LTA4H: variants seen among roughly 807,000 people sequenced by gnomAD.
LTA4H encodes leukotriene A-4 hydrolase.
A neutral mutation model predicts 89.8 loss-of-function variants in LTA4H; 59 were observed. The ratio of observed to expected loss-of-function variants is 0.66; its 90% CI spans 0.53 to 0.82. LTA4H has a LOEUF of 0.82. LTA4H is among the 40% of genes least tolerant of loss of function. LTA4H has a pLI of 0.00. For synonymous variants in LTA4H, 227 were observed against 253.1 expected (o/e 0.90, Z 0.98); for missense variants, 617 against 727.0 (o/e 0.85, Z 1.74).
chr12:96,017,247 G>A (rs1057092831), intron 9 of LTA4H, 133 bp from the exon 10 acceptor site: 2 of 677,450 alleles, frequency 3.0e-6, no homozygotes, highest in Admixed American at 2.8e-5. Context: ...ACTCAGTTCA[G>A]CAAAATCTTT....
At chr12:96,013,558 C>T (rs370197942) in intron 13 of LTA4H, among the ~76,000 whole-genome samples, 192 bp downstream of exon 13, 36 of 152,084 alleles carry the variant, frequency 2.4e-4, no homozygotes, top group African/African-American at 8.4e-4. Flanking sequence ...TTGATGACTT[C>T]TCTGAAATAG....
Position 96,019,257 on chromosome 12 carries a change from C to T in LTA4H, c.639-17G>A. On this transcript the variant is annotated splice_polypyrimidine_tract_variant and intron_variant, in intron 6 of 18. Coordinates refer to ENST00000228740, the MANE Select transcript of LTA4H (RefSeq NM_000895.3). ...CCAATTTGCCTGCAAGATTAAAAAG[C>T]TTAATAAAAAAGAAATTCATGGCAA... 1.9e-6 allele frequency: 3 copies of T among 1,598,560 alleles called. No individual in the cohort carries two copies. The highest frequency in any genetic ancestry group is 2.6e-6 in the Non-Finnish European group (3 of 1,173,950).
intron 1 of LTA4H, among the ~76,000 whole-genome samples, chr12:96,034,435 AC>A (rs774237127): frequency 6.6e-6 from 1 of 152,162 alleles, no homozygotes; most frequent in African/African-American, 2.4e-5. Context: ...TGAATCTACA[AC>A]CTTTCTTCAT....
Position 96,013,803 on chromosome 12 carries a change from T to G in LTA4H, c.1255A>C (p.Ser419Arg). ...KAYVEKFSYK[S>R]ITTDDWKDFL... ...TCCTTCCAGTCATCAGTAGTTATGC[T>G]CTTATAGGAAAACTTCTCAACATAA... Residue 419 changes from serine to arginine, a missense_variant, in exon 13 of 19, where the codon AGC becomes CGC. By Grantham distance (110) the Ser-to-Arg change is moderately radical. Around this residue, in one of 3 missense-constraint regions of LTA4H, gnomAD observed 290 missense variants for 339.1 expected, o/e 0.86. Coordinates refer to ENST00000228740, the MANE Select transcript of LTA4H (RefSeq NM_000895.3). The G allele has an allele frequency of 6.3e-7, 1 of 1,589,528 alleles. No homozygotes were observed.
chr12:96,006,479 TA>T, intron 15 of LTA4H, 70 bp from the exon 16 acceptor site: 1 of 835,920 alleles, frequency 1.2e-6, no homozygotes, highest in Non-Finnish European at 1.9e-6. Context: ...TTATCTGACA[TA>T]AAAGTAAAAA....
chr12:96,011,706 C>CT (rs1438448626), intron 14 of LTA4H: 6 of 152,124 alleles, frequency 3.9e-5, no homozygotes, highest in African/African-American at 1.4e-4. Flanking sequence ...TGAGCTGAAT[C>CT]TTTATTACAT....
chr12:96,004,118 G>C, intron 16 of LTA4H, 198 bp from the exon 17 acceptor site: 1 of 362,536 alleles, frequency 2.8e-6, no homozygotes, highest in Non-Finnish European at 4.9e-6. Flanking sequence ...TATTCTACTG[G>C]GAGCACAGGG....
chr12:96,015,656 A>C lies in LTA4H; in HGVS notation c.986T>G (p.Ile329Ser). Residue 329 changes from isoleucine (I) to serine (S), a missense_variant, in exon 11 of 19, where the codon ATT becomes AGT. Transcript: ENST00000228740. ...EGHTVYLERH[I>S]CGRLFGEKFR... Reference sequence around the variant, plus strand: ...CTTTTCACCAAACAATCGTCCGCAAATGTGGCGTTCCAAGTACACAGTATG... The same window carrying C: ...CTTTTCACCAAACAATCGTCCGCAACTGTGGCGTTCCAAGTACACAGTATG... The C allele has an allele frequency of 6.2e-7, 1 of 1,614,042 alleles. No homozygotes were observed. Among genetic ancestry groups the C allele is most frequent in the Non-Finnish European group, 8.5e-7 (1 of 1,179,896 alleles).
intron 1 of LTA4H, among the ~76,000 whole-genome samples, chr12:96,034,674 G>T (rs1218102513): frequency 6.6e-6 from 1 of 152,238 alleles, no homozygotes; most frequent in Non-Finnish European, 1.5e-5. Flanking sequence ...TAGTTTCAAA[G>T]TAGGGCGGAA....
chr12:96,006,669 T>G (rs1458302996), intron 15 of LTA4H, among the ~76,000 whole-genome samples: 1 of 152,210 alleles, frequency 6.6e-6, no homozygotes, highest in African/African-American at 2.4e-5. Context: ...CTGTTGACAT[T>G]CATTGTACCA....
Position 96,013,170 on chromosome 12 carries a change from T to G in LTA4H, c.1379+18A>C, listed in dbSNP as rs771749028. 6.3e-7 allele frequency: 1 copy of G among 1,599,618 alleles called. No individual in the cohort carries two copies. ...GTTAGGAGAATGAGAAGGAAAGCAT[T>G]AGCAGGCAAGTACTTACTTGGGCTT... is the stretch of plus-strand genomic sequence containing the variant. On this transcript the variant is annotated intron_variant, in intron 14 of 18. Coordinates refer to ENST00000228740, the MANE Select transcript of LTA4H (RefSeq NM_000895.3).
upstream of LTA4H, among the ~76,000 whole-genome samples, chr12:96,037,245 G>T (rs1275135651): frequency 6.6e-6 from 1 of 152,208 alleles, no homozygotes; most frequent in African/African-American, 2.4e-5. Context: ...CTCTGGGGAA[G>T]TGCCAGGTAG....
chr12:96,019,371 G>A (rs1950424010), intron 6 of LTA4H, 131 bp from the exon 7 acceptor site: 4 of 716,184 alleles, frequency 5.6e-6, no homozygotes, highest in Admixed American at 5.6e-5. Flanking sequence ...ATGGGAAAGG[G>A]ATGAGGTTAC....
chr12:96,036,940 G>A (rs1950652946), upstream of LTA4H, among the ~76,000 whole-genome samples: 1 of 152,200 alleles, frequency 6.6e-6, no homozygotes, highest in African/African-American at 2.4e-5. Flanking sequence ...AAGAGCAAGA[G>A]ATTGCGGGGC....
chr12:96,003,893 G>C lies in LTA4H; in HGVS notation c.1558C>G (p.Arg520Gly). The C allele has an allele frequency of 6.2e-7, 1 of 1,608,198 alleles. No homozygotes were observed. The highest frequency in any genetic ancestry group is 8.5e-7 in the Non-Finnish European group (1 of 1,176,812). The part of the protein sequence containing the change: ...RAPLPLGHIK[R>G]MQEVYNFNAI... Reference sequence around the variant, plus strand: ...TTGAAGTTGTACACCTCTTGCATTCGCTTTATGTGCCCCAATGGAAGAGGT... The same window carrying C: ...TTGAAGTTGTACACCTCTTGCATTCCCTTTATGTGCCCCAATGGAAGAGGT... Residue 520 changes from arginine (R) to glycine (G), a missense_variant, in exon 17 of 19, where the codon CGA (arginine) becomes GGA (glycine). By Grantham distance (125) the Arg-to-Gly change is moderately radical. Coordinates refer to ENST00000228740, the MANE Select transcript of LTA4H (RefSeq NM_000895.3).
At chr12:96,014,773 C>T (rs1262364184) in intron 12 of LTA4H, 82 bp downstream of exon 12, 1 of 1,331,832 alleles carries the variant, frequency 7.5e-7, no homozygotes, top group Non-Finnish European at 1.0e-6. Context: ...TTAAATGGAA[C>T]AAAACAATAG....
intron 1 of LTA4H, among the ~76,000 whole-genome samples, chr12:96,042,298 G>T (rs373101927): frequency 1.3e-5 from 2 of 152,024 alleles, no homozygotes; most frequent in Non-Finnish European, 2.9e-5. Context: ...GTCCACTAAC[G>T]CAGGCCTCCA....
upstream of LTA4H, among the ~76,000 whole-genome samples, chr12:96,037,737 A>G (rs1032267675): frequency 1.5e-5 from 2 of 131,778 alleles, no homozygotes; most frequent in African/African-American, 5.8e-5. Context: ...TCTGTCGCCT[A>G]GGCTGGAGTG....
At chr12:96,034,584 G>A (rs909973229) in intron 1 of LTA4H, among the ~76,000 whole-genome samples, 1 of 152,226 alleles carries the variant, frequency 6.6e-6, no homozygotes, top group Non-Finnish European at 1.5e-5. Context: ...TAAATTATTA[G>A]AAGAAAGTTG....
Sources: gnomAD v4.1 joint callset for allele counts (sites outside exome capture counted in the v4.1 genomes callset) on GRCh38, gnomAD v4.1.1 for gene constraint, gnomAD v4.1.1 regional missense constraint, MANE v1.5 for transcripts, NCBI Gene and HGNC (gene_info 2026-07-23, HGNC 2026-07-21) for gene names.